LYG2: variants seen among roughly 807,000 people sequenced by gnomAD.
LYG2 encodes the protein lysozyme g2, also known as lysozyme g-like protein 2.
LYG2 carries 25 observed loss-of-function variants against 22.4 expected under a neutral mutation model. The ratio of observed to expected loss-of-function variants is 1.12; its 90% CI spans 0.81 to 1.56. The LOEUF is 1.56. LYG2 is among the 40% of genes most tolerant of loss of function. The pLI, the probability that LYG2 is intolerant of heterozygous loss-of-function variation, is 0.00. For missense variants in LYG2, 266 were observed against 269.5 expected (o/e 0.99, Z 0.09); for synonymous variants, 88 against 97.0 (o/e 0.91, Z 0.55).
chr2:99,244,245 C>T, intron 5 of LYG2, 108 bp from the exon 6 acceptor site: 1 of 1,060,034 alleles, frequency 9.4e-7, no homozygotes, highest in Non-Finnish European at 1.3e-6. Context: ...GGCCTTTATC[C>T]CCAAAGAGTC....
chr2:99,245,489 G>T, intron 4 of LYG2, 31 bp from the exon 5 acceptor site: 1 of 1,457,958 alleles, frequency 6.9e-7, no homozygotes. Context: ...CTGTTTTTCC[G>T]GGCATGGTAG....
Position 99,246,755 on chromosome 2 carries a change from G to A in LYG2, c.109C>T (p.His37Tyr). The A allele has an allele frequency of 6.2e-7, 1 of 1,614,120 alleles. No homozygotes were observed. Among genetic ancestry groups the A allele is most frequent in the Non-Finnish European group, 8.5e-7 (1 of 1,179,976 alleles). ...GTCATGATGTCCCCATAGCAGCCGT[G>A]GTACAGGCGTGGATGTAGGTGAGGC... is the stretch of plus-strand genomic sequence containing the variant. The part of the protein sequence containing the change: ...MKPHLHPRLY[H>Y]GCYGDIMTMK... The change falls in exon 4 of 7, where the codon CAC (histidine) becomes TAC (tyrosine). Residue 37 changes from histidine to tyrosine, a missense_variant. Transcript: ENST00000333017.
chr2:99,246,439 C>T (rs749706820), intron 4 of LYG2, among the ~76,000 whole-genome samples: 1 of 152,134 alleles, frequency 6.6e-6, no homozygotes, highest in Non-Finnish European at 1.5e-5. Flanking sequence ...AATATTTATT[C>T]AAGCAGTAGT....
chr2:99,254,103 G>T, intron 3 of LYG2, 115 bp downstream of exon 3: 1 of 925,752 alleles, frequency 1.1e-6, no homozygotes, highest in East Asian at 2.4e-5. Flanking sequence ...AAGCTGGTCA[G>T]AATGAGAGCC....
intron 3 of LYG2, among the ~76,000 whole-genome samples, chr2:99,250,371 C>T (rs1243396988): frequency 6.8e-6 from 1 of 147,092 alleles, no homozygotes; most frequent in Non-Finnish European, 1.5e-5. Flanking sequence ...CATTTTCCAA[C>T]TCTTTTTTTT....
upstream of LYG2, among the ~76,000 whole-genome samples, chr2:99,258,074 C>T (rs1308321787): frequency 6.6e-6 from 1 of 152,180 alleles, no homozygotes; most frequent in Non-Finnish European, 1.5e-5. Flanking sequence ...TGCGTCCCCA[C>T]CTGCCTCCCT....
At chr2:99,247,156 G>C (rs992735012) in intron 3 of LYG2, among the ~76,000 whole-genome samples, 2 of 151,996 alleles carry the variant, frequency 1.3e-5, no homozygotes, top group African/African-American at 4.8e-5. Context: ...GCAGTGGCAT[G>C]ATCATAGCTC....
At chr2:99,250,296 A>C (rs2094023766) in intron 3 of LYG2, among the ~76,000 whole-genome samples, 1 of 152,204 alleles carries the variant, frequency 6.6e-6, no homozygotes, top group South Asian at 2.1e-4. Context: ...GTCCTTAAAC[A>C]TATAAAAGAC....
upstream of LYG2, among the ~76,000 whole-genome samples, chr2:99,256,805 A>G (rs921144123): frequency 6.6e-6 from 1 of 152,194 alleles, no homozygotes; most frequent in Non-Finnish European, 1.5e-5. Flanking sequence ...ACTGATGTGG[A>G]TTGTTCTGTT....
At chr2:99,244,833 G>A (rs1371905971) in intron 5 of LYG2, among the ~76,000 whole-genome samples, 1 of 152,060 alleles carries the variant, frequency 6.6e-6, no homozygotes, top group East Asian at 1.9e-4. Context: ...TGGAGTGGCC[G>A]GGCACAGTGG....
intron 6 of LYG2, chr2:99,243,491 C>CAGATAGATAGATAGAT (rs36096004): frequency 9.6e-5 from 125 of 1,302,512 alleles, no homozygotes; most frequent in Middle Eastern, 4.1e-4. Flanking sequence ...GGTAGGCAAA[C>CAGATAGATAGATAGAT]AGATAGATAG....
In LYG2 at chr2:99,244,070, C is replaced by G. The variant is rs2094011476; in HGVS notation, c.449G>C (p.Gly150Ala). 6.2e-7 allele frequency: 1 copy of G among 1,614,018 alleles called. No homozygotes were observed. Among genetic ancestry groups the G allele is most frequent in the Non-Finnish European group, 8.5e-7 (1 of 1,179,986 alleles). The change falls in exon 6 of 7, where the codon GGG (glycine) becomes GCG (alanine). Residue 150 changes from glycine (G) to alanine (A), a missense_variant. By Grantham distance (60) the Gly-to-Ala change is moderately conservative (BLOSUM62 0). Transcript: ENST00000333017. The stretch of plus-strand genomic sequence containing the variant: ...TGCCTTAATTCTCTCTGTTAGAATC[C>G]CAGTAGCCTGTGAAAGGTGCTCTTT... ...DSKEHLSQATGILTERIKAIQ... is the reference protein window; with the variant it reads ...DSKEHLSQATAILTERIKAIQ...
At chr2:99,244,583 G>C (rs1260435087) in intron 5 of LYG2, among the ~76,000 whole-genome samples, 1 of 152,030 alleles carries the variant, frequency 6.6e-6, no homozygotes, top group Non-Finnish European at 1.5e-5. Context: ...TTCAAGTAGG[G>C]CACAGTTATA....
In LYG2 at chr2:99,243,987, A is replaced by G; in HGVS notation, c.520+12T>C. On this transcript the variant is annotated intron_variant, in intron 6 of 6. Transcript: ENST00000333017. ...TTGCTCATTTAAACAAAGTACTCAG[A>G]ATACAGCCTACCTTTGAGGTGCTGA... 1 of 1,613,984 alleles carries G rather than the reference A, an allele frequency of 6.2e-7. No individual in the cohort carries two copies. Among genetic ancestry groups the G allele is most frequent in the Non-Finnish European group, 8.5e-7 (1 of 1,179,950 alleles).
At chr2:99,247,103 T>G (rs960929952) in intron 3 of LYG2, among the ~76,000 whole-genome samples, 4 of 152,174 alleles carry the variant, frequency 2.6e-5, no homozygotes, top group African/African-American at 9.7e-5. Flanking sequence ...TTTTTTTCCT[T>G]TTTTTAAGAG....
chr2:99,252,697 C>T (rs912039277), intron 3 of LYG2, among the ~76,000 whole-genome samples: 5 of 152,142 alleles, frequency 3.3e-5, no homozygotes, highest in African/African-American at 1.2e-4. Flanking sequence ...TTGCCAGGCT[C>T]ACTGTGTGGC....
chr2:99,252,818 G>A (rs1224173683), intron 3 of LYG2, among the ~76,000 whole-genome samples: 1 of 151,842 alleles, frequency 6.6e-6, no homozygotes, highest in African/African-American at 2.4e-5. Context: ...AGGCCAAGGC[G>A]GACGGATCAC....
chr2:99,258,932 C>T (rs921960275), upstream of LYG2, among the ~76,000 whole-genome samples: 4 of 152,074 alleles, frequency 2.6e-5, no homozygotes, highest in African/African-American at 9.7e-5. Context: ...ATACAAATGG[C>T]CAATAAAGCT....
chr2:99,259,606 A>G (rs1281626966), upstream of LYG2, among the ~76,000 whole-genome samples: 3 of 152,216 alleles, frequency 2.0e-5, no homozygotes, highest in Non-Finnish European at 4.4e-5. Context: ...AAATTTCACA[A>G]GAAGCTTCAA....
Sources: gnomAD v4.1 joint callset for allele counts (sites outside exome capture counted in the v4.1 genomes callset) on GRCh38, gnomAD v4.1.1 for gene constraint, MANE v1.5 for transcripts, NCBI Gene and HGNC (gene_info 2026-07-23, HGNC 2026-07-21) for gene names.